Variants in ARFGEF1 observed in about 807,000 individuals in gnomAD.
ARFGEF1 encodes ARF guanine nucleotide exchange factor 1.
A neutral mutation model predicts 231.0 loss-of-function variants in ARFGEF1; 42 were observed. That is an observed-to-expected ratio of 0.18 (90% CI 0.14 to 0.24). ARFGEF1 has a LOEUF of 0.24. Ranked by LOEUF, ARFGEF1 falls within the 10% of genes least tolerant of loss-of-function variation. The probability of loss-of-function intolerance (pLI) is 1.00; values close to 1 mark genes in which losing one functional copy is unlikely to be tolerated. For missense variants in ARFGEF1, 1,345 were observed against 2,192.0 expected (o/e 0.61, Z 7.72); for synonymous variants, 710 against 732.3 (o/e 0.97, Z 0.49).
At chr8:67,339,235 C>T (rs1808486383) in intron 1 of ARFGEF1, among the ~76,000 whole-genome samples, 1 of 152,122 alleles carries the variant, frequency 6.6e-6, no homozygotes, top group Non-Finnish European at 1.5e-5. Context: ...CCATTATTTT[C>T]CCATATACCT....
chr8:67,174,496 C>CT (rs1831137449), downstream of ARFGEF1: 2 of 152,172 alleles, frequency 1.3e-5, no homozygotes, highest in South Asian at 4.1e-4. Flanking sequence ...GGCACAGTGG[C>CT]TAATGCCTGT....
chr8:67,211,363 A>AAAAAG (rs1838743157), intron 34 of ARFGEF1, 120 bp downstream of exon 34: 1 of 674,354 alleles, frequency 1.5e-6, no homozygotes, highest in African/African-American at 1.9e-5. Flanking sequence ...AAAAAAAAAA[A>AAAAAG]AAGAAGTGAT....
At chr8:67,315,404 G>GTA (rs1318551020) in intron 1 of ARFGEF1, among the ~76,000 whole-genome samples, 1 of 151,994 alleles carries the variant, frequency 6.6e-6, no homozygotes, top group Non-Finnish European at 1.5e-5. Flanking sequence ...AATCGGCAGG[G>GTA]TATAAATTTA....
intron 7 of ARFGEF1, among the ~76,000 whole-genome samples, chr8:67,280,458 C>G (rs986994202): frequency 1.3e-5 from 2 of 152,218 alleles, no homozygotes; most frequent in Non-Finnish European, 2.9e-5. Context: ...AACTAAGGTT[C>G]TAGGCTCCTA....
intron 5 of ARFGEF1, among the ~76,000 whole-genome samples, chr8:67,180,946 C>G (rs1372874890): frequency 1.3e-5 from 2 of 151,606 alleles, no homozygotes; most frequent in Admixed American, 1.3e-4. Flanking sequence ...ATGATCTAGT[C>G]TACATATTAG....
At chr8:67,293,866 G>T (rs1026871712) in intron 5 of ARFGEF1, among the ~76,000 whole-genome samples, 12 of 152,118 alleles carry the variant, frequency 7.9e-5, no homozygotes, top group Non-Finnish European at 1.6e-4. Context: ...GTAGGAATTG[G>T]TACTTTTCTG....
chr8:67,300,414 AG>A (rs1806426331), intron 3 of ARFGEF1, among the ~76,000 whole-genome samples: 1 of 152,236 alleles, frequency 6.6e-6, no homozygotes, highest in African/African-American at 2.4e-5. Context: ...TGTGTCAAAC[AG>A]GGTAACAGAG....
intron 6 of ARFGEF1, among the ~76,000 whole-genome samples, chr8:67,288,842 G>A (rs2128907957): frequency 6.6e-6 from 1 of 152,042 alleles, no homozygotes; most frequent in African/African-American, 2.4e-5. Flanking sequence ...GCCTTCCCCA[G>A]TACTTTCTGG....
chr8:67,197,966 G>T lies in ARFGEF1; in HGVS notation c.*968C>A, dbSNP rs1255672812. Reference sequence around the variant, plus strand: ...TTTAATATATTCAACGTTAAATTCTGTACATAGAGTAAAATCTACATCAAG... The same window carrying T: ...TTTAATATATTCAACGTTAAATTCTTTACATAGAGTAAAATCTACATCAAG... On this transcript the variant is annotated 3_prime_UTR_variant, in exon 39 of 39. Transcript: ENST00000262215. The T allele has an allele frequency of 1.0e-6, 1 of 985,608 alleles. No homozygotes were observed. Among genetic ancestry groups the T allele is most frequent in the East Asian group, 1.1e-4 (1 of 8,824 alleles). 61.1% of individuals were successfully genotyped at this position (985,608 alleles called of 1,614,324 possible).
At chr8:67,193,639 T>C, downstream of ARFGEF1, 1 of 1,570,996 alleles carries the variant, frequency 6.4e-7, no homozygotes, top group Non-Finnish European at 8.7e-7. Flanking sequence ...AGTAGAATCC[T>C]GTATGAACTT....
At chr8:67,248,155 G>A (rs1332326181) in intron 19 of ARFGEF1, among the ~76,000 whole-genome samples, 1 of 149,800 alleles carries the variant, frequency 6.7e-6, no homozygotes, top group Non-Finnish European at 1.5e-5. Context: ...AATTTATATG[G>A]AATCAAAAAA....
chr8:67,240,409 GAAAGCTTTCTT>G lies in ARFGEF1; in HGVS notation c.2851-130_2851-120del, dbSNP rs1839894279. The G allele has an allele frequency of 3.0e-6, 3 of 1,010,260 alleles. No individual in the cohort carries two copies. In the African/African-American group the frequency reaches 4.9e-5, roughly 17 times the overall value. 62.6% of individuals were successfully genotyped at this position (1,010,260 alleles called of 1,614,324 possible). ...AAATGAAATTCTTGGCAGTTATCTA[GAAAGCTTTCTT>G]AAACAAAGGGGGAAAACTATATAAT... On this transcript the variant is annotated intron_variant, in intron 19 of 38. Transcript: ENST00000262215.
At chr8:67,251,629 C>T (rs1181278669) in intron 18 of ARFGEF1, among the ~76,000 whole-genome samples, 179 bp from the exon 19 acceptor site, 1 of 151,884 alleles carries the variant, frequency 6.6e-6, no homozygotes, top group African/African-American at 2.4e-5. Context: ...AGGTAAAATC[C>T]ATAGAAATAG....
At chr8:67,219,395 T>C in intron 30 of ARFGEF1, 36 bp downstream of exon 30, 1 of 1,589,062 alleles carries the variant, frequency 6.3e-7, no homozygotes, top group Non-Finnish European at 8.5e-7. Context: ...ATCTTTTAAC[T>C]TGACTAAGCT....
chr8:67,341,996 T>C (rs966411274), intron 1 of ARFGEF1, among the ~76,000 whole-genome samples: 1 of 152,196 alleles, frequency 6.6e-6, no homozygotes, highest in Non-Finnish European at 1.5e-5. Context: ...GCAAATTAAA[T>C]GGTAGTCTTC....
At chr8:67,223,914 T>C (rs1839287114) in intron 29 of ARFGEF1, among the ~76,000 whole-genome samples, 1 of 152,208 alleles carries the variant, frequency 6.6e-6, no homozygotes, top group South Asian at 2.1e-4. Context: ...TAAAATAAAA[T>C]GTTTTTCTAT....
intron 3 of ARFGEF1, among the ~76,000 whole-genome samples, chr8:67,300,849 A>T (rs1478691123): frequency 9.3e-4 from 141 of 150,894 alleles, no homozygotes; most frequent in Non-Finnish European, 1.0e-4. Context: ...GTCTCAAAAA[A>T]TTAAAAAAAA....
intron 9 of ARFGEF1, among the ~76,000 whole-genome samples, 188 bp from the exon 10 acceptor site, chr8:67,272,124 G>C (rs1805122013): frequency 6.6e-6 from 1 of 152,146 alleles, no homozygotes; most frequent in Admixed American, 6.5e-5. Flanking sequence ...AACAACAGGT[G>C]CTTTCACTGA....
chr8:67,308,291 T>C (rs186793198), intron 1 of ARFGEF1, among the ~76,000 whole-genome samples: 3 of 152,300 alleles, frequency 2.0e-5, no homozygotes, highest in Non-Finnish European at 2.9e-5. Context: ...TGGTTTATTA[T>C]ACAGCGATGG....
Sources: gnomAD v4.1 joint callset for allele counts (sites outside exome capture counted in the v4.1 genomes callset) on GRCh38, gnomAD v4.1.1 for gene constraint, MANE v1.5 for transcripts, NCBI Gene and HGNC (gene_info 2026-07-23, HGNC 2026-07-21) for gene names.